AQR: variants seen among roughly 807,000 people sequenced by gnomAD.
AQR encodes the protein aquarius intron-binding spliceosomal factor.
AQR carries 61 observed loss-of-function variants against 180.5 expected under a neutral mutation model. The observed-to-expected ratio is 0.34, with a 90% CI of 0.28 to 0.42. The LOEUF is 0.42. Ranked by LOEUF, AQR falls within the 10% of genes least tolerant of loss-of-function variation. The probability of loss-of-function intolerance (pLI) is 1.00; values close to 1 mark genes in which losing one functional copy is unlikely to be tolerated. For missense variants in AQR, 1,281 were observed against 1,798.3 expected (o/e 0.71, Z 5.20); for synonymous variants, 551 against 588.8 (o/e 0.94, Z 0.93).
intron 34 of AQR, among the ~76,000 whole-genome samples, chr15:34,859,156 A>G (rs4497641): frequency 0.036 from 5,421 of 152,326 alleles, 345 homozygotes; most frequent in African/African-American, 0.12. Flanking sequence ...TGTAAAATAC[A>G]TATCAGATAA....
chr15:34,872,749 T>A (rs79056925), intron 30 of AQR, among the ~76,000 whole-genome samples: 1 of 152,250 alleles, frequency 6.6e-6, no homozygotes, highest in African/African-American at 2.4e-5. Context: ...CATCTATGCA[T>A]ACACATTTAA....
chr15:34,874,017 C>G lies in AQR; in HGVS notation c.3426-18G>C. On this transcript the variant is annotated intron_variant, in intron 29 of 34. Coordinates refer to ENST00000156471, the MANE Select transcript of AQR (RefSeq NM_014691.3). ...TGCACAAGCTTTCCAAAGACAAATT[C>G]CCCCACAAACAGAAAATATTAGCAG... The G allele has an allele frequency of 6.3e-7, 1 of 1,575,708 alleles. No individual in the cohort carries two copies. Among genetic ancestry groups the G allele is most frequent in the African/African-American group, 1.4e-5 (1 of 73,452 alleles).
chr15:34,907,706 A>G (rs1893439533), intron 17 of AQR, among the ~76,000 whole-genome samples: 2 of 152,354 alleles, frequency 1.3e-5, no homozygotes, highest in Admixed American at 6.5e-5. Flanking sequence ...CAGCAAGAGA[A>G]GTAATGAGAA....
chr15:34,947,707 A>AT (rs1166250207), intron 5 of AQR, among the ~76,000 whole-genome samples: 4 of 151,942 alleles, frequency 2.6e-5, no homozygotes, highest in Non-Finnish European at 4.4e-5. Context: ...TGGTGCAATC[A>AT]TAGTTCATTG....
intron 17 of AQR, among the ~76,000 whole-genome samples, 182 bp downstream of exon 17, chr15:34,909,953 T>A (rs1595794160): frequency 6.6e-6 from 1 of 152,344 alleles, no homozygotes; most frequent in East Asian, 1.9e-4. Flanking sequence ...TCTTGTATGA[T>A]CCCTGGTATT....
rs185892844 is a variant in AQR at position 34,869,182 on chromosome 15, A to G, written c.3768+1570T>C. On this transcript the variant is annotated intron_variant, in intron 31 of 34. Coordinates refer to ENST00000156471, the MANE Select transcript of AQR (RefSeq NM_014691.3). The stretch of plus-strand genomic sequence containing the variant: ...CTTGCCAACATTTGTCATAATGTCA[A>G]TCTTCATCATTTTACCCATTCTTTT... The G allele has an allele frequency of 5.3e-5, 8 of 152,212 alleles. No individual in the cohort carries two copies. In the East Asian group the frequency reaches 1.5e-3, roughly 29 times the overall value. 9.4% of individuals were successfully genotyped at this position (152,212 alleles called of 1,614,324 possible).
intron 33 of AQR, among the ~76,000 whole-genome samples, chr15:34,861,660 C>T (rs1319990363): frequency 6.6e-6 from 1 of 152,126 alleles, no homozygotes; most frequent in African/African-American, 2.4e-5. Context: ...TGTTTACTAG[C>T]CCACAAAAGA....
At chr15:34,950,159 G>A (rs1267119609) in intron 4 of AQR, among the ~76,000 whole-genome samples, 2 of 125,998 alleles carry the variant, frequency 1.6e-5, no homozygotes, top group East Asian at 5.3e-4. Context: ...GCATAATCCC[G>A]GCTCACTGCA....
At chr15:34,913,131 C>T (rs1321648968) in intron 16 of AQR, among the ~76,000 whole-genome samples, 1 of 152,174 alleles carries the variant, frequency 6.6e-6, no homozygotes, top group Non-Finnish European at 1.5e-5. Context: ...TCCATCACCA[C>T]AAAATCCAGT....
At chr15:34,933,667 C>T (rs1212355223) in intron 10 of AQR, among the ~76,000 whole-genome samples, 3 of 152,136 alleles carry the variant, frequency 2.0e-5, no homozygotes, top group Non-Finnish European at 4.4e-5. Flanking sequence ...TGTTTAATAA[C>T]TATACTATGT....
At position 34,898,852 on chromosome 15, in the gene AQR, C is replaced by G. The variant is rs560986215; in HGVS notation, c.2244-1147G>C. ...TGAGCCAAGATGGAGCCACTGCACT[C>G]CAGCCCGGGTGACAGAGCGAAAAAA... is the stretch of plus-strand genomic sequence containing the variant. On this transcript the variant is annotated intron_variant, in intron 20 of 34. Transcript: ENST00000156471. Among the ~76,000 whole-genome samples, 7 of 148,018 alleles carry G rather than the reference C, an allele frequency of 4.7e-5. No individual in the cohort carries two copies. In the South Asian group the frequency reaches 1.5e-3, roughly 32 times the overall value.
intron 9 of AQR, among the ~76,000 whole-genome samples, chr15:34,936,594 T>C (rs1273907164): frequency 6.6e-6 from 1 of 151,904 alleles, no homozygotes; most frequent in African/African-American, 2.4e-5. Flanking sequence ...TGTGCACCTG[T>C]AGTACCAGCT....
At chr15:34,941,139 C>T (rs745523514) in intron 7 of AQR, 140 bp from the exon 8 acceptor site, 6 of 506,632 alleles carry the variant, frequency 1.2e-5, no homozygotes, top group African/African-American at 2.0e-5. Flanking sequence ...ACATGACAAA[C>T]CCTGAAAATT....
intron 23 of AQR, among the ~76,000 whole-genome samples, chr15:34,893,208 C>T (rs1301992580): frequency 2.0e-5 from 3 of 152,138 alleles, no homozygotes; most frequent in African/African-American, 4.8e-5. Context: ...AAGAGCACAC[C>T]GAACAAAGGA....
At chr15:34,946,435 G>GGT (rs1894116940) in intron 5 of AQR, among the ~76,000 whole-genome samples, 1 of 144,006 alleles carries the variant, frequency 6.9e-6, no homozygotes, top group Non-Finnish European at 1.5e-5. Context: ...GGAGGTGGGG[G>GGT]GGGTCAGCCC....
intron 19 of AQR, among the ~76,000 whole-genome samples, chr15:34,901,200 A>C (rs961760654): frequency 6.6e-5 from 10 of 152,180 alleles, no homozygotes; most frequent in Non-Finnish European, 1.2e-4. Context: ...AAAAAAAACA[A>C]TATAGAACAA....
chr15:34,940,968 G>A lies in AQR; in HGVS notation c.572C>T (p.Pro191Leu). ...ARLELELKKT[P>L]KLRKFWNLIK... ...CAAGTTCCAGAATTTTCTTAGCTTA[G>A]GTGTCTTTTTTAATTCTAATTCCAA... is the stretch of plus-strand genomic sequence containing the variant. Residue 191 changes from proline to leucine, a missense_variant, in exon 8 of 35, where the codon CCT becomes CTT. Pro to Leu is a moderately conservative substitution (Grantham distance 98, BLOSUM62 -3). Coordinates refer to ENST00000156471, the MANE Select transcript of AQR (RefSeq NM_014691.3). 2 of 1,609,402 alleles carry A rather than the reference G, an allele frequency of 1.2e-6. No individual in the cohort carries two copies. The highest frequency in any genetic ancestry group is 8.5e-7 in the Non-Finnish European group (1 of 1,178,146).
chr15:34,959,672 C>T (rs1396383733), intron 3 of AQR, among the ~76,000 whole-genome samples: 1 of 152,234 alleles, frequency 6.6e-6, no homozygotes, highest in Non-Finnish European at 1.5e-5. Context: ...TTAGGATCAT[C>T]TTTGATTCTT....
intron 27 of AQR, 25 bp downstream of exon 27, chr15:34,882,477 A>AAG: frequency 6.9e-7 from 1 of 1,455,178 alleles, no homozygotes; most frequent in Non-Finnish European, 9.1e-7. Flanking sequence ...AAAAAAAAAA[A>AAG]AAAAAAACTA....
Sources: allele counts gnomAD v4.1 joint callset (sites outside exome capture counted in the v4.1 genomes callset), GRCh38; gene constraint gnomAD v4.1.1; transcripts MANE v1.5; gene names NCBI Gene and HGNC (gene_info 2026-07-23, HGNC 2026-07-21).